DLGAP1: variants seen among roughly 807,000 people sequenced by gnomAD.
The protein encoded by DLGAP1 is DLG associated protein 1.
DLGAP1 carries 11 observed loss-of-function variants against 90.8 expected under a neutral mutation model. The observed-to-expected ratio is 0.12, with a 90% CI of 0.08 to 0.20. DLGAP1 has a LOEUF of 0.20. Among genes scored for constraint, DLGAP1 ranks in the 10% least tolerant of loss-of-function variants. The pLI, the probability that DLGAP1 is intolerant of heterozygous loss-of-function variation, is 1.00. For synonymous variants in DLGAP1, 558 were observed against 540.7 expected (o/e 1.03, Z -0.44); for missense variants, 1,050 against 1,333.8 (o/e 0.79, Z 3.31).
intron 5 of DLGAP1, among the ~76,000 whole-genome samples, chr18:3,802,162 T>C (rs2066331672): frequency 6.6e-6 from 1 of 152,150 alleles, no homozygotes; most frequent in Non-Finnish European, 1.5e-5. Context: ...TTTTTGTATT[T>C]TTAGTAGAGA....
chr18:4,131,289 C>T (rs1394243265), intron 2 of DLGAP1, among the ~76,000 whole-genome samples: 1 of 152,132 alleles, frequency 6.6e-6, no homozygotes, highest in African/African-American at 2.4e-5. Context: ...CATGTGTGGG[C>T]TCATGTCATT....
intron 1 of DLGAP1, among the ~76,000 whole-genome samples, chr18:4,452,984 G>C (rs2083871614): frequency 1.3e-5 from 2 of 152,122 alleles, no homozygotes; most frequent in South Asian, 2.1e-4. Flanking sequence ...ATGAAATATA[G>C]AGAAATAGAT....
At chr18:4,446,912 T>C (rs1373903057) in intron 1 of DLGAP1, among the ~76,000 whole-genome samples, 1 of 151,994 alleles carries the variant, frequency 6.6e-6, no homozygotes, top group Non-Finnish European at 1.5e-5. Flanking sequence ...AGAATATTAA[T>C]AAAGAGAGGG....
At chr18:4,359,907 A>G (rs1416512657) in intron 1 of DLGAP1, among the ~76,000 whole-genome samples, 1 of 152,226 alleles carries the variant, frequency 6.6e-6, no homozygotes, top group African/African-American at 2.4e-5. Flanking sequence ...ACATGCAAAC[A>G]AACAGGTCAA....
At chr18:4,157,406 T>C (rs2076774918) in intron 1 of DLGAP1, among the ~76,000 whole-genome samples, 1 of 152,220 alleles carries the variant, frequency 6.6e-6, no homozygotes, top group Admixed American at 6.5e-5. Flanking sequence ...TTTCCACGTG[T>C]CTGAGACAGC....
chr18:4,223,124 T>A lies in DLGAP1; in HGVS notation c.-266-71837A>T, dbSNP rs761746471. 2.0e-5 allele frequency among the ~76,000 whole-genome samples: 3 copies of A among 152,118 alleles called. No homozygotes were observed. The East Asian group carries it at 5.8e-4, about 29-fold the overall frequency. On this transcript the variant is annotated intron_variant, in intron 1 of 12. Transcript: ENST00000315677. ...AATAAAATAAAATAAAATACTGTTA[T>A]TATTTTCTTTTTAAACGGTGTGTGA... is the stretch of plus-strand genomic sequence containing the variant.
At chr18:3,754,777 TC>T (rs1370720456) in intron 5 of DLGAP1, among the ~76,000 whole-genome samples, 1 of 150,054 alleles carries the variant, frequency 6.7e-6, no homozygotes, top group East Asian at 1.9e-4. Context: ...GTGCCTGTAG[TC>T]CCAGCTACTT....
At chr18:4,128,139 C>G (rs890958655) in intron 2 of DLGAP1, among the ~76,000 whole-genome samples, 2 of 152,026 alleles carry the variant, frequency 1.3e-5, no homozygotes, top group Non-Finnish European at 2.9e-5. Flanking sequence ...GTTCAACATC[C>G]GTGGATACAA....
rs529513310 is a variant in DLGAP1, at chr18:3,922,497, C to T, written c.-72-42357G>A. 4.1e-4 allele frequency among the ~76,000 whole-genome samples: 62 copies of T among 152,252 alleles called. 1 individual carries two copies. The Middle Eastern group carries it at 0.024, about 58-fold the overall frequency. On this transcript the variant is annotated intron_variant, in intron 3 of 12. Transcript: ENST00000315677. ...TTTGGATTCCATTCCCCATTGTTAA[C>T]GGTTTTTCTTTTGTGTCATGCACAA... is the stretch of plus-strand genomic sequence containing the variant.
intron 2 of DLGAP1, among the ~76,000 whole-genome samples, chr18:4,128,634 A>G (rs1035775605): frequency 6.6e-6 from 1 of 152,202 alleles, no homozygotes; most frequent in African/African-American, 2.4e-5. Flanking sequence ...GTTCCTACAG[A>G]GAGACACGGG....
chr18:4,203,282 AG>A (rs1389467427), intron 1 of DLGAP1, among the ~76,000 whole-genome samples: 1 of 150,720 alleles, frequency 6.6e-6, no homozygotes, highest in African/African-American at 2.5e-5. Context: ...AAAAAAAAAA[AG>A]ATACTCTTAT....
intron 1 of DLGAP1, among the ~76,000 whole-genome samples, chr18:4,363,678 G>A (rs908174831): frequency 3.9e-5 from 6 of 152,208 alleles, no homozygotes; most frequent in Non-Finnish European, 8.8e-5. Flanking sequence ...CTGGTCATCA[G>A]AGAAATGCAA....
At chr18:4,239,220 A>G (rs1168171150) in intron 1 of DLGAP1, among the ~76,000 whole-genome samples, 1 of 152,218 alleles carries the variant, frequency 6.6e-6, no homozygotes, top group Non-Finnish European at 1.5e-5. Flanking sequence ...CACTTTTCAA[A>G]TCTTCAGCTT....
At chr18:4,037,317 C>T (rs1477172931) in intron 2 of DLGAP1, among the ~76,000 whole-genome samples, 1 of 151,980 alleles carries the variant, frequency 6.6e-6, no homozygotes, top group East Asian at 1.9e-4. Context: ...AGAAAAATGG[C>T]CAGTTTATGA....
intron 1 of DLGAP1, among the ~76,000 whole-genome samples, chr18:4,219,592 T>C (rs532414173): frequency 6.6e-6 from 1 of 152,226 alleles, no homozygotes; most frequent in Non-Finnish European, 1.5e-5. Context: ...GTTCTTCTAG[T>C]TGCTTTATAG....
chr18:4,273,499 GTGGT>G (rs2079332657), intron 1 of DLGAP1, among the ~76,000 whole-genome samples: 1 of 152,226 alleles, frequency 6.6e-6, no homozygotes, highest in African/African-American at 2.4e-5. Flanking sequence ...CTGGAGTGCA[GTGGT>G]GAGATCATAG....
At chr18:3,943,530 C>G (rs1457229272) in intron 3 of DLGAP1, among the ~76,000 whole-genome samples, 2 of 147,468 alleles carry the variant, frequency 1.4e-5, no homozygotes, top group African/African-American at 5.0e-5. Flanking sequence ...CCAGATTACT[C>G]CTTTTATGAA....
intron 2 of DLGAP1, among the ~76,000 whole-genome samples, chr18:4,014,707 CAAAA>C (rs1298898414): frequency 6.6e-6 from 1 of 152,078 alleles, no homozygotes; most frequent in Non-Finnish European, 1.5e-5. Flanking sequence ...TAAATACAAA[CAAAA>C]AGACCCAAAT....
intron 9 of DLGAP1, among the ~76,000 whole-genome samples, chr18:3,548,969 G>A (rs1267796574): frequency 6.6e-6 from 1 of 152,128 alleles, no homozygotes; most frequent in Admixed American, 6.5e-5. Flanking sequence ...CCTGGGAGTG[G>A]GAGGTGGCAG....
Sources: allele counts gnomAD v4.1 joint callset (sites outside exome capture counted in the v4.1 genomes callset), GRCh38; gene constraint gnomAD v4.1.1; transcripts MANE v1.5; gene names NCBI Gene and HGNC (gene_info 2026-07-23, HGNC 2026-07-21).